ASNSD1: variants seen among roughly 807,000 people sequenced by gnomAD.
ASNSD1 encodes the protein asparagine synthetase domain-containing protein 1.
Under a neutral mutation model 48.3 loss-of-function variants are expected in ASNSD1, and 36 were observed. The ratio of observed to expected loss-of-function variants is 0.75; its 90% CI spans 0.57 to 0.99. ASNSD1 has a LOEUF of 0.99. Ranked by LOEUF, ASNSD1 falls within the 50% of genes least tolerant of loss-of-function variation. The pLI is 0.00. For synonymous variants in ASNSD1, 257 were observed against 262.1 expected, an observed-to-expected ratio of 0.98 and a Z score of 0.19; for missense variants, 714 against 758.2, an observed-to-expected ratio of 0.94 and a Z score of 0.69.
chr2:189,662,948 CAAAAAAAAAA>C (rs67898532), intron 1 of ASNSD1, among the ~76,000 whole-genome samples: 3 of 77,004 alleles, frequency 3.9e-5, no homozygotes, highest in Non-Finnish European at 7.6e-5. Context: ...GACCCTGTTT[CAAAAAAAAAA>C]AAAAAAAAAA....
Position 189,670,584 on chromosome 2 carries a change from C to T in ASNSD1, c.1790C>T (p.Ala597Val), listed in dbSNP as rs201191183. 1 of 1,614,072 alleles carries T rather than the reference C, an allele frequency of 6.2e-7. No homozygotes were observed. The highest frequency in any genetic ancestry group is 8.5e-7 in the Non-Finnish European group (1 of 1,179,976). Residue 597 changes from alanine (A) to valine (V), a missense_variant, in exon 6 of 6, where the codon GCT becomes GTT. Transcript: ENST00000260952. ...AAVELGLTAS[A>V]LLPKRAMQFG... ...GTGGAACTTGGTCTTACAGCCTCTG[C>T]TCTTCTGCCCAAACGGGCCATGCAG...
Position 189,670,652 on chromosome 2 carries a change from GC to G in ASNSD1, c.1859del (p.Ala620AspfsTer13). On this transcript the variant is annotated frameshift_variant, in exon 6 of 6. Transcript: ENST00000260952. LOFTEE classifies it high-confidence loss of function. ...AAAAATGGAAAAAATTAATGAAAAGGCATCTGATAAATGTGGACGGCTCCAA... is the reference window on the plus strand; with the variant it reads ...AAAAATGGAAAAAATTAATGAAAAGGATCTGATAAATGTGGACGGCTCCAA... ...IAKMEKINEKASDKCGRLQIM... is the reference protein window; with the variant it reads ...IAKMEKINEKXSDKCGRLQIM... The G allele has an allele frequency of 6.2e-7, 1 of 1,613,824 alleles. No individual in the cohort carries two copies.
chr2:189,666,200 T>C lies in ASNSD1; in HGVS notation c.68T>C (p.Leu23Ser), dbSNP rs1559034700. 1.9e-6 allele frequency: 3 copies of C among 1,610,814 alleles called. No homozygotes were observed. In the East Asian group the frequency reaches 6.7e-5, roughly 36 times the overall value. ...EHFSQDLKED[L>S]LYNLKQRGPN... Reference sequence around the variant, plus strand: ...TTCAGTCAAGATTTAAAAGAGGACTTACTATATAATCTTAAACAGCGGGGA... The same window carrying C: ...TTCAGTCAAGATTTAAAAGAGGACTCACTATATAATCTTAAACAGCGGGGA... The change falls in exon 4 of 6, where the codon TTA becomes TCA. Residue 23 changes from leucine (L) to serine (S), a missense_variant. By Grantham distance (145) the Leu-to-Ser change is moderately radical. Transcript: ENST00000260952.
intron 2 of ASNSD1, among the ~76,000 whole-genome samples, chr2:189,664,222 C>T (rs2032735654): frequency 6.6e-6 from 1 of 152,126 alleles, no homozygotes; most frequent in Non-Finnish European, 1.5e-5. Flanking sequence ...GAGCTATAAT[C>T]ACTAATGATG....
chr2:189,667,022 G>A lies in ASNSD1; in HGVS notation c.890G>A (p.Arg297His), dbSNP rs183568243. 9.9e-6 allele frequency: 16 copies of A among 1,614,072 alleles called. No individual in the cohort carries two copies. In the Admixed American group the frequency reaches 1.7e-4, roughly 17 times the overall value. Residue 297 changes from arginine (R) to histidine (H), a missense_variant, in exon 4 of 6, where the codon CGT becomes CAT. Transcript: ENST00000260952. The part of the protein sequence containing the change: ...IDVLSVAVKK[R>H]VLCLPRDENL... Reference sequence around the variant, plus strand: ...GTCCTGAGTGTAGCAGTCAAGAAACGTGTCTTGTGTTTACCTAGGGATGAA... The same window carrying A: ...GTCCTGAGTGTAGCAGTCAAGAAACATGTCTTGTGTTTACCTAGGGATGAA...
chr2:189,666,331 G>C lies in ASNSD1; in HGVS notation c.199G>C (p.Asp67His). The change falls in exon 4 of 6, where the codon GAT (aspartate) becomes CAT (histidine). Residue 67 changes from aspartate (D) to histidine (H), a missense_variant. Transcript: ENST00000260952. ...TGTTTTGACTACCCAGCCTGTGGAA[G>C]ATGAAAGAGGCAATGTGTTTCTATG... Reference protein sequence around the residue: ...RGVLTTQPVEDERGNVFLWNG... With the variant: ...RGVLTTQPVEHERGNVFLWNG... 1 of 1,613,900 alleles carries C rather than the reference G, an allele frequency of 6.2e-7. No individual in the cohort carries two copies. The highest frequency in any genetic ancestry group is 8.5e-7 in the Non-Finnish European group (1 of 1,179,878).
At chr2:189,669,441 C>T (rs933856647) in intron 5 of ASNSD1, among the ~76,000 whole-genome samples, 8 of 151,980 alleles carry the variant, frequency 5.3e-5, no homozygotes, top group Non-Finnish European at 7.4e-5. Flanking sequence ...GCAGCTAATA[C>T]AGAATTGTGA....
At position 189,667,304 on chromosome 2, in the gene ASNSD1, C is replaced by T; in HGVS notation, c.1172C>T (p.Ala391Val). 1.2e-6 allele frequency: 2 copies of T among 1,614,092 alleles called. No individual in the cohort carries two copies. Among genetic ancestry groups the T allele is most frequent in the Non-Finnish European group, 1.7e-6 (2 of 1,180,006 alleles). The change falls in exon 4 of 6, where the codon GCT becomes GTT. Residue 391 changes from alanine (A) to valine (V), a missense_variant. Ala to Val is a moderately conservative substitution (Grantham distance 64). Transcript: ENST00000260952. ...GAAGAATTCTCTAAAGATGTTGCTG[C>T]TGCTGCTGCTGACAGTCCTAATAAA... ...PSEEFSKDVAAAAADSPNKHV... is the reference protein window; with the variant it reads ...PSEEFSKDVAVAAADSPNKHV...
chr2:189,667,951 T>C lies in ASNSD1; in HGVS notation c.1646+6T>C. ...GATCATGGAAAAGAAGCAAGGTAAT[T>C]CTAATCATTTGAGTGTTCTTACGGT... On this transcript the variant is annotated splice_donor_region_variant and intron_variant, in intron 5 of 5. Coordinates refer to ENST00000260952, the MANE Select transcript of ASNSD1 (RefSeq NM_019048.4). 1.2e-6 allele frequency: 2 copies of C among 1,603,778 alleles called. No homozygotes were observed. Among genetic ancestry groups the C allele is most frequent in the South Asian group, 1.1e-5 (1 of 89,164 alleles).
At chr2:189,665,335 T>G (rs993574199) in intron 2 of ASNSD1, 41 bp from the exon 3 acceptor site, 1 of 393,292 alleles carries the variant, frequency 2.5e-6, no homozygotes, top group Non-Finnish European at 4.5e-6. Context: ...TATCTACTTT[T>G]TAGATCAAAA....
intron 1 of ASNSD1, among the ~76,000 whole-genome samples, chr2:189,662,940 C>A (rs1316177968): frequency 8.9e-6 from 1 of 111,818 alleles, no homozygotes; most frequent in African/African-American, 2.9e-5. Context: ...CAGAGCAAGA[C>A]CCTGTTTCAA....
chr2:189,667,405 T>C lies in ASNSD1; in HGVS notation c.1273T>C (p.Trp425Arg), dbSNP rs1215401248. The part of the protein sequence containing the change: ...ELQAVSPSRI[W>R]NFVEINVSME... Reference sequence around the variant, plus strand: ...ACAAGCTGTTAGCCCTTCCCGAATTTGGAATTTTGTTGAAATTAATGTTTC... The same window carrying C: ...ACAAGCTGTTAGCCCTTCCCGAATTCGGAATTTTGTTGAAATTAATGTTTC... The change falls in exon 4 of 6, where the codon TGG becomes CGG. Residue 425 changes from tryptophan (W) to arginine (R), a missense_variant. Coordinates refer to ENST00000260952, the MANE Select transcript of ASNSD1 (RefSeq NM_019048.4). The C allele has an allele frequency of 6.2e-7, 1 of 1,614,190 alleles. No individual in the cohort carries two copies. The highest frequency in any genetic ancestry group is 8.5e-7 in the Non-Finnish European group (1 of 1,180,020).
intron 5 of ASNSD1, among the ~76,000 whole-genome samples, chr2:189,670,161 T>G (rs2032896158): frequency 6.7e-6 from 1 of 149,236 alleles, no homozygotes; most frequent in Non-Finnish European, 1.5e-5. Context: ...AATACAAAGA[T>G]TAGCTGGGTG....
rs768244991 is a variant in ASNSD1 at position 189,670,641 on chromosome 2, T to A, written c.1847T>A (p.Ile616Asn). ...TCAAGAATTGCAAAAATGGAAAAAA[T>A]TAATGAAAAGGCATCTGATAAATGT... is the stretch of plus-strand genomic sequence containing the variant. ...FGSRIAKMEKINEKASDKCGR... is the reference protein window; with the variant it reads ...FGSRIAKMEKNNEKASDKCGR... The change falls in exon 6 of 6, where the codon ATT (isoleucine) becomes AAT (asparagine). Residue 616 changes from isoleucine to asparagine, a missense_variant. Transcript: ENST00000260952. 6.2e-7 allele frequency: 1 copy of A among 1,613,858 alleles called. No individual in the cohort carries two copies. Among genetic ancestry groups the A allele is most frequent in the East Asian group, 2.2e-5 (1 of 44,852 alleles).
At chr2:189,663,193 A>G (rs1167196622) in intron 1 of ASNSD1, among the ~76,000 whole-genome samples, 3 of 151,664 alleles carry the variant, frequency 2.0e-5, no homozygotes, top group Non-Finnish European at 4.4e-5. Context: ...TTAATTTTCA[A>G]TCTAAATCAC....
At position 189,670,609 on chromosome 2, in the gene ASNSD1, G is replaced by C. The variant is rs1326350489; in HGVS notation, c.1815G>C (p.Gln605His). ...CTCTTCTGCCCAAACGGGCCATGCA[G>C]TTTGGATCAAGAATTGCAAAAATGG... The part of the protein sequence containing the change: ...ASALLPKRAM[Q>H]FGSRIAKMEK... Residue 605 changes from glutamine to histidine, a missense_variant, in exon 6 of 6, where the codon CAG (glutamine) becomes CAC (histidine). Transcript: ENST00000260952. The C allele has an allele frequency of 1.2e-6, 2 of 1,614,010 alleles. No individual in the cohort carries two copies. Among genetic ancestry groups the C allele is most frequent in the Admixed American group, 3.3e-5 (2 of 59,998 alleles).
chr2:189,669,060 CCTCT>C (rs139232071), intron 5 of ASNSD1, among the ~76,000 whole-genome samples: 8 of 150,070 alleles, frequency 5.3e-5, no homozygotes, highest in South Asian at 2.1e-4. Context: ...ACTTTCTCTC[CCTCT>C]CTCTCTCTCT....
chr2:189,663,898 T>C lies in ASNSD1; in HGVS notation c.-222-3T>C, dbSNP rs765386736. 4.6e-5 allele frequency: 18 copies of C among 387,508 alleles called. No individual in the cohort carries two copies. Among genetic ancestry groups the C allele is most frequent in the Non-Finnish European group, 6.4e-5 (14 of 218,170 alleles). 24.0% of individuals were successfully genotyped at this position (387,508 alleles called of 1,614,324 possible). On this transcript the variant is annotated splice_polypyrimidine_tract_variant and splice_region_variant and intron_variant, in intron 1 of 5. Coordinates refer to ENST00000260952, the MANE Select transcript of ASNSD1 (RefSeq NM_019048.4). ...CTTAAGGAGTTTTTCTTTATTTCAA[T>C]AGATTAAAGAACAAAAAATTGTGGT... is the stretch of plus-strand genomic sequence containing the variant.
At chr2:189,669,033 A>G (rs949522310) in intron 5 of ASNSD1, among the ~76,000 whole-genome samples, 19 of 152,216 alleles carry the variant, frequency 1.2e-4, no homozygotes, top group Admixed American at 1.1e-3. Flanking sequence ...AAGCTTCATG[A>G]GAATTAAACA....
Sources: gnomAD v4.1 joint callset for allele counts (sites outside exome capture counted in the v4.1 genomes callset) on GRCh38, gnomAD v4.1.1 for gene constraint, MANE v1.5 for transcripts, NCBI Gene and HGNC (gene_info 2026-07-23, HGNC 2026-07-21) for gene names.